The following FCRL6 variants were observed in gnomAD, a reference collection of about 807,000 sequenced individuals.
The protein encoded by FCRL6 is Fc receptor like 6.
FCRL6 carries 50 observed loss-of-function variants against 49.1 expected under a neutral mutation model. The ratio of observed to expected loss-of-function variants is 1.02; its 90% CI spans 0.81 to 1.29. FCRL6 has a LOEUF of 1.29. Ranked by LOEUF, FCRL6 falls within the 50% of genes most tolerant of loss-of-function variation. FCRL6 has a pLI of 0.00. For missense variants in FCRL6, 571 were observed against 518.5 expected (o/e 1.10, Z -0.98); for synonymous variants, 213 against 199.6 (o/e 1.07, Z -0.57).
rs1571106217 is a variant in FCRL6 at position 159,810,123 on chromosome 1, A to C, written c.916A>C (p.Asn306His). The C allele has an allele frequency of 6.2e-7, 1 of 1,613,916 alleles. No individual in the cohort carries two copies. Among genetic ancestry groups the C allele is most frequent in the Non-Finnish European group, 8.5e-7 (1 of 1,179,918 alleles). The change falls in exon 6 of 10, where the codon AAC becomes CAC. Residue 306 changes from asparagine to histidine, a missense_variant. Physicochemically the swap from Asn to His is moderately conservative, Grantham distance 68 (BLOSUM62 1). Transcript: ENST00000368106. The stretch of plus-strand genomic sequence containing the variant: ...TCAAGTCTTGTTCACTCCCGCCAGC[A>C]ACTGGCTGGTTCCTTGGCTTCCTGC... ...GSQVLFTPAS[N>H]WLVPWLPASL...
intron 1 of FCRL6, among the ~76,000 whole-genome samples, chr1:159,804,477 T>G (rs1488008752): frequency 6.6e-6 from 1 of 152,228 alleles, no homozygotes; most frequent in Non-Finnish European, 1.5e-5. Flanking sequence ...GGAATTCTAT[T>G]ACGCAACTTG....
chr1:159,810,309 C>T (rs1222152389), intron 6 of FCRL6, 93 bp downstream of exon 6: 55 of 1,460,430 alleles, frequency 3.8e-5, no homozygotes, highest in Non-Finnish European at 5.0e-5. Flanking sequence ...GGACCAGCCA[C>T]TCTCTTCTCC....
intron 2 of FCRL6, among the ~76,000 whole-genome samples, chr1:159,807,224 G>A (rs921002104): frequency 1.3e-5 from 2 of 152,208 alleles, no homozygotes; most frequent in Admixed American, 6.5e-5. Flanking sequence ...GGTGAGCATC[G>A]TTACTTCCAG....
intron 2 of FCRL6, among the ~76,000 whole-genome samples, chr1:159,807,135 AG>A (rs528439790): frequency 3.3e-5 from 5 of 152,226 alleles, no homozygotes; most frequent in Non-Finnish European, 5.9e-5. Flanking sequence ...CTGTGATTCC[AG>A]GGGGAGATAA....
intron 8 of FCRL6, 137 bp downstream of exon 8, chr1:159,814,429 A>G (rs913816330): frequency 7.5e-5 from 50 of 662,836 alleles, no homozygotes; most frequent in Non-Finnish European, 1.0e-4. Context: ...CATCATATTT[A>G]TCTCCATTAT....
Position 159,809,563 on chromosome 1 carries a change from G to A in FCRL6, c.766G>A (p.Gly256Ser). 1 of 1,614,194 alleles carries A rather than the reference G, an allele frequency of 6.2e-7. No individual in the cohort carries two copies. Among genetic ancestry groups the A allele is most frequent in the South Asian group, 1.1e-5 (1 of 91,092 alleles). Residue 256 changes from glycine (G) to serine (S), a missense_variant, in exon 5 of 10, where the codon GGT becomes AGT. Coordinates refer to ENST00000368106, the MANE Select transcript of FCRL6 (RefSeq NM_001004310.3). Reference protein sequence around the residue: ...KIVGNHSAPCGGTTSLLFPVK... With the variant: ...KIVGNHSAPCSGTTSLLFPVK... ...TGTGGGGAACCACTCAGCTCCCTGT[G>A]GTGGAACCACCTCCCTCCTCTTCCC...
chr1:159,808,088 C>T (rs1485923671), intron 2 of FCRL6, 90 bp from the exon 3 acceptor site: 58 of 1,437,182 alleles, frequency 4.0e-5, no homozygotes, highest in Non-Finnish European at 5.3e-5. Flanking sequence ...CCTCCATCCC[C>T]AGCAGGAGGC....
chr1:159,803,241 A>G (rs970836486), intron 1 of FCRL6, among the ~76,000 whole-genome samples: 2 of 152,216 alleles, frequency 1.3e-5, no homozygotes, highest in Admixed American at 6.5e-5. Flanking sequence ...GACCCAGCTC[A>G]GTCTCAGCCA....
chr1:159,809,964 A>G, intron 5 of FCRL6, 130 bp from the exon 6 acceptor site: 1 of 1,172,330 alleles, frequency 8.5e-7, no homozygotes, highest in Non-Finnish European at 1.2e-6. Context: ...CTTCATGCCC[A>G]TCTATGAGGC....
chr1:159,814,361 C>T, intron 8 of FCRL6, 69 bp downstream of exon 8: 2 of 1,107,620 alleles, frequency 1.8e-6, no homozygotes, highest in Non-Finnish European at 2.8e-6. Context: ...GAGAGTATCA[C>T]TACCACTGTC....
chr1:159,810,317 T>C, intron 6 of FCRL6, 101 bp downstream of exon 6: 2 of 1,423,554 alleles, frequency 1.4e-6, no homozygotes, highest in Non-Finnish European at 1.9e-6. Context: ...CACTCTCTTC[T>C]CCTGGGTGTG....
chr1:159,805,794 G>C (rs373103560), intron 1 of FCRL6, among the ~76,000 whole-genome samples: 44 of 152,322 alleles, frequency 2.9e-4, no homozygotes, highest in African/African-American at 1.0e-3. Flanking sequence ...ATCCTCCTCA[G>C]TCTGGTCACT....
intron 6 of FCRL6, among the ~76,000 whole-genome samples, chr1:159,812,436 AC>A (rs1663143882): frequency 6.6e-6 from 1 of 152,246 alleles, no homozygotes; most frequent in Non-Finnish European, 1.5e-5. Context: ...TGATGGTGTT[AC>A]TGGAACAAGG....
chr1:159,812,052 G>A (rs1663117039), intron 6 of FCRL6, among the ~76,000 whole-genome samples: 1 of 152,206 alleles, frequency 6.6e-6, no homozygotes, highest in Admixed American at 6.5e-5. Flanking sequence ...GAACAAAAGA[G>A]CATCCTCTTG....
Position 159,815,850 on chromosome 1 carries a change from T to G in FCRL6, c.*189T>G. The G allele has an allele frequency of 1.6e-6, 1 of 607,874 alleles. No individual in the cohort carries two copies. The highest frequency in any genetic ancestry group is 3.0e-5 in the East Asian group (1 of 33,794). 37.7% of individuals were successfully genotyped at this position (607,874 alleles called of 1,614,324 possible). On this transcript the variant is annotated 3_prime_UTR_variant, in exon 10 of 10. Coordinates refer to ENST00000368106, the MANE Select transcript of FCRL6 (RefSeq NM_001004310.3). ...CTTTTCTTAGCAGAAGACCAACCAATGGAATGGGAAGGGAGATGCTCCCAC... is the reference window on the plus strand; with the variant it reads ...CTTTTCTTAGCAGAAGACCAACCAAGGGAATGGGAAGGGAGATGCTCCCAC...
At chr1:159,809,809 G>A (rs1360537175) in intron 5 of FCRL6, 126 bp downstream of exon 5, 2 of 856,042 alleles carry the variant, frequency 2.3e-6, no homozygotes, top group Non-Finnish European at 3.7e-6. Flanking sequence ...GCATGACTGA[G>A]CATGGACCCT....
chr1:159,812,067 A>G (rs1369972352), intron 6 of FCRL6, among the ~76,000 whole-genome samples: 1 of 152,230 alleles, frequency 6.6e-6, no homozygotes, highest in East Asian at 1.9e-4. Flanking sequence ...CTCTTGATGT[A>G]GAGATTATAA....
intron 1 of FCRL6, among the ~76,000 whole-genome samples, 191 bp from the exon 2 acceptor site, chr1:159,806,405 C>A (rs988011852): frequency 1.3e-5 from 2 of 151,106 alleles, no homozygotes. Context: ...TGGCTGATGG[C>A]TGGGTTGTTT....
chr1:159,813,369 A>C, intron 6 of FCRL6, 120 bp from the exon 7 acceptor site: 1 of 846,504 alleles, frequency 1.2e-6, no homozygotes, highest in Admixed American at 1.9e-5. Flanking sequence ...TAGCCCTCCT[A>C]ACCAAACCAG....
Sources: allele counts gnomAD v4.1 joint callset (sites outside exome capture counted in the v4.1 genomes callset), GRCh38; gene constraint gnomAD v4.1.1; transcripts MANE v1.5; gene names NCBI Gene and HGNC (gene_info 2026-07-23, HGNC 2026-07-21).